The following EHBP1 variants were observed in gnomAD, a reference collection of about 807,000 sequenced individuals.
EHBP1 encodes EH domain-binding protein 1.
In EHBP1, 55 loss-of-function variants were observed where a neutral mutation model predicts 144.0. The ratio of observed to expected loss-of-function variants is 0.38; its 90% CI spans 0.31 to 0.48. The LOEUF is 0.48. Ranked by LOEUF, EHBP1 falls within the 20% of genes least tolerant of loss-of-function variation. The pLI, the probability that EHBP1 is intolerant of heterozygous loss-of-function variation, is 0.98. For synonymous variants in EHBP1, 469 were observed against 472.7 expected, an observed-to-expected ratio of 0.99 and a Z score of 0.10; for missense variants, 1,200 against 1,364.2, an observed-to-expected ratio of 0.88 and a Z score of 1.90.
chr2:62,950,865 A>G (rs1015589107), intron 13 of EHBP1, among the ~76,000 whole-genome samples: 1 of 152,038 alleles, frequency 6.6e-6, no homozygotes, highest in East Asian at 1.9e-4. Context: ...TTGTATTTTT[A>G]GTAGAGACGG....
chr2:62,868,619 T>C (rs1391359538), intron 9 of EHBP1, among the ~76,000 whole-genome samples: 2 of 151,388 alleles, frequency 1.3e-5, no homozygotes, highest in East Asian at 3.9e-4. Flanking sequence ...AAAAGACGTA[T>C]CCAGAATATG....
chr2:62,779,205 C>A (rs973327022), intron 5 of EHBP1, among the ~76,000 whole-genome samples: 2 of 152,108 alleles, frequency 1.3e-5, no homozygotes, highest in Non-Finnish European at 2.9e-5. Flanking sequence ...ATGTTCCACC[C>A]CCTCTGGAAA....
At chr2:62,900,414 G>C (rs2053301467) in intron 10 of EHBP1, among the ~76,000 whole-genome samples, 2 of 152,012 alleles carry the variant, frequency 1.3e-5, no homozygotes, top group African/African-American at 4.8e-5. Context: ...TTAACCCCAG[G>C]ATTTCAAGAC....
chr2:62,917,901 C>CT (rs869278156), intron 10 of EHBP1, among the ~76,000 whole-genome samples: 383 of 141,290 alleles, frequency 2.7e-3, no homozygotes, highest in East Asian at 7.1e-3. Context: ...TGTGTTCCTT[C>CT]TTTTTTTTTT....
intron 10 of EHBP1, among the ~76,000 whole-genome samples, chr2:62,903,337 C>T (rs542914387): frequency 1.3e-5 from 2 of 152,006 alleles, no homozygotes; most frequent in South Asian, 4.2e-4. Flanking sequence ...ATAGTTAACT[C>T]CTATAATGCC....
intron 7 of EHBP1, among the ~76,000 whole-genome samples, chr2:62,841,215 G>T (rs985139817): frequency 1.6e-4 from 25 of 152,070 alleles, no homozygotes; most frequent in South Asian, 1.0e-3. Context: ...TTGGAAATCA[G>T]CATTCTCAGT....
chr2:62,901,004 G>A (rs985911924), intron 10 of EHBP1, among the ~76,000 whole-genome samples: 1 of 152,092 alleles, frequency 6.6e-6, no homozygotes, highest in Non-Finnish European at 1.5e-5. Context: ...ATACTGTGAA[G>A]CTCATTTAAA....
intron 10 of EHBP1, among the ~76,000 whole-genome samples, chr2:62,907,286 C>T (rs1202989284): frequency 6.6e-6 from 1 of 152,182 alleles, no homozygotes; most frequent in Non-Finnish European, 1.5e-5. Flanking sequence ...TCACTACATC[C>T]TCCCCAGCAT....
chr2:62,887,517 C>G (rs1469149464), intron 10 of EHBP1, among the ~76,000 whole-genome samples: 3 of 150,020 alleles, frequency 2.0e-5, no homozygotes, highest in Non-Finnish European at 4.4e-5. Context: ...GTGGGAGATT[C>G]GCTTGAGCCC....
At chr2:62,760,495 G>A (rs2040681613) in intron 3 of EHBP1, among the ~76,000 whole-genome samples, 1 of 152,150 alleles carries the variant, frequency 6.6e-6, no homozygotes, top group South Asian at 2.1e-4. Flanking sequence ...TAAGCAGATT[G>A]TATTTTTGTT....
At chr2:62,835,062 A>T (rs1237109699) in intron 7 of EHBP1, among the ~76,000 whole-genome samples, 1 of 152,150 alleles carries the variant, frequency 6.6e-6, no homozygotes, top group Non-Finnish European at 1.5e-5. Flanking sequence ...GCCCCATTTA[A>T]TGCCTCTTGC....
chr2:63,031,683 CT>C (rs2061253942), intron 19 of EHBP1, among the ~76,000 whole-genome samples: 1 of 152,106 alleles, frequency 6.6e-6, no homozygotes, highest in South Asian at 2.1e-4. Context: ...AATCCCAGCA[CT>C]TTGGAAGGCC....
At chr2:62,732,327 A>G (rs931133333) in intron 2 of EHBP1, among the ~76,000 whole-genome samples, 2 of 151,992 alleles carry the variant, frequency 1.3e-5, no homozygotes, top group Non-Finnish European at 2.9e-5. Flanking sequence ...TATTTCTTCT[A>G]TGCCTTTCTC....
At chr2:62,933,346 C>A (rs2056151878) in intron 10 of EHBP1, among the ~76,000 whole-genome samples, 1 of 151,960 alleles carries the variant, frequency 6.6e-6, no homozygotes, top group Admixed American at 6.6e-5. Flanking sequence ...GAAAATTTGA[C>A]CTTATCAAAT....
chr2:62,819,091 A>G (rs1301246609), intron 5 of EHBP1, among the ~76,000 whole-genome samples: 4 of 152,192 alleles, frequency 2.6e-5, no homozygotes, highest in East Asian at 3.9e-4. Flanking sequence ...CCATGAATAT[A>G]CAGAAATCCC....
chr2:62,689,213 C>G (rs894743912), intron 1 of EHBP1, among the ~76,000 whole-genome samples: 3 of 152,168 alleles, frequency 2.0e-5, no homozygotes, highest in African/African-American at 7.2e-5. Flanking sequence ...AGTGCCTCCT[C>G]AGTGAGCTGT....
At chr2:62,777,768 T>A (rs970155026) in intron 5 of EHBP1, among the ~76,000 whole-genome samples, 3 of 152,086 alleles carry the variant, frequency 2.0e-5, no homozygotes, top group African/African-American at 7.2e-5. Flanking sequence ...GTTCGTAGGG[T>A]ACTACAGGAC....
At position 62,996,530 on chromosome 2, in the gene EHBP1, A is replaced by T. The variant is rs2059632609; in HGVS notation, c.2980-113A>T. On this transcript the variant is annotated intron_variant, in intron 18 of 22. Transcript: ENST00000431489. ...GAGTTGCTTTTTGGTACTAAGGGTG[A>T]TACTAACGGTGTATTTGGTTCTCTA... The T allele has an allele frequency of 1.1e-5, 14 of 1,321,726 alleles. No individual in the cohort carries two copies. In the South Asian group the frequency reaches 1.6e-4, roughly 15 times the overall value. The allele number at this position is 1,321,726 out of a possible 1,614,324, so 81.9% of individuals were successfully genotyped here. A position where few individuals can be genotyped will look rare whatever the true frequency, so the allele number is the denominator to read the frequency against.
rs1489237412 is a variant in EHBP1 at position 62,948,797 on chromosome 2, A to G, written c.1951A>G (p.Lys651Glu). ...DSTQAQVLLG[K>E]KRLLKAETLE... is the part of the protein sequence containing the mutation. ...AACCCAAGCACAGGTTTTGTTAGGC[A>G]AAAAGAGACTATTGAAAGCTGAGAC... The change falls in exon 13 of 23, where the codon AAA (lysine) becomes GAA (glutamate). Residue 651 changes from lysine (K) to glutamate (E), a missense_variant. Physicochemically the swap from Lys to Glu is moderately conservative, Grantham distance 56. Coordinates refer to ENST00000431489, the MANE Select transcript of EHBP1 (RefSeq NM_001142616.3). 6.2e-7 allele frequency: 1 copy of G among 1,614,160 alleles called. No homozygotes were observed. Among genetic ancestry groups the G allele is most frequent in the Non-Finnish European group, 8.5e-7 (1 of 1,180,008 alleles).
Sources: allele counts gnomAD v4.1 joint callset (sites outside exome capture counted in the v4.1 genomes callset), GRCh38; gene constraint gnomAD v4.1.1; transcripts MANE v1.5; gene names NCBI Gene and HGNC (gene_info 2026-07-23, HGNC 2026-07-21).